SLC7A8: variants seen among roughly 807,000 people sequenced by gnomAD.
SLC7A8 encodes the protein solute carrier family 7 member 8.
A neutral mutation model predicts 51.2 loss-of-function variants in SLC7A8; 30 were observed. That is an observed-to-expected ratio of 0.59 (90% confidence interval 0.44 to 0.80). SLC7A8 has a LOEUF of 0.80. Ranked by LOEUF, SLC7A8 falls within the 30% of genes least tolerant of loss-of-function variation. The probability of loss-of-function intolerance (pLI) is 0.00; values close to 1 mark genes in which losing one functional copy is unlikely to be tolerated. For synonymous variants in SLC7A8, 257 were observed against 275.8 expected (o/e 0.93, Z 0.67); for missense variants, 612 against 674.4 (o/e 0.91, Z 1.03).
At position 23,137,887 on chromosome 14, in the gene SLC7A8, C is replaced by T. The variant is rs200412230; in HGVS notation, c.1016+34G>A. 6.0e-5 allele frequency: 97 copies of T among 1,608,864 alleles called. 1 individual carries two copies. In the Middle Eastern group the frequency reaches 1.4e-3, roughly 23 times the overall value. On this transcript the variant is annotated intron_variant, in intron 7 of 10. Coordinates refer to ENST00000316902, the MANE Select transcript of SLC7A8 (RefSeq NM_012244.4). ...AATAGCAAAGTGCACAGCAGAGTGG[C>T]CCCTGGCCGGGGAAGGGCCCAGGCA... is the stretch of plus-strand genomic sequence containing the variant.
intron 1 of SLC7A8, among the ~76,000 whole-genome samples, chr14:23,176,029 C>A (rs114502891): frequency 1.6e-3 from 239 of 152,242 alleles, no homozygotes; most frequent in African/African-American, 5.5e-3. Context: ...CTGAATGAAC[C>A]AAATCGTAAT....
At chr14:23,143,900 T>A (rs993824053) in intron 3 of SLC7A8, among the ~76,000 whole-genome samples, 8 of 152,242 alleles carry the variant, frequency 5.3e-5, no homozygotes, top group African/African-American at 1.7e-4. Context: ...AATGGAATCA[T>A]ATAATATGTG....
At chr14:23,140,345 G>A (rs117571814) in intron 5 of SLC7A8, 126 bp downstream of exon 5, 18,696 of 1,059,964 alleles carry the variant, frequency 0.018, 228 homozygotes, top group Non-Finnish European at 0.021. Context: ...CTTCAGGATA[G>A]ATCAAATCAC....
chr14:23,182,989 G>A lies in SLC7A8; in HGVS notation c.-75C>T, dbSNP rs2140345453. On this transcript the variant is annotated 5_prime_UTR_variant, in exon 1 of 11. Transcript: ENST00000316902. Reference sequence around the variant, plus strand: ...GTATTCGTGTAAATATATTGGGAGAGAGCTTTGAATTAGAACGTCCTTTTC... The same window carrying A: ...GTATTCGTGTAAATATATTGGGAGAAAGCTTTGAATTAGAACGTCCTTTTC... The A allele has an allele frequency of 3.1e-6, 5 of 1,595,174 alleles. No homozygotes were observed. In the East Asian group the frequency reaches 9.0e-5, roughly 29 times the overall value.
chr14:23,154,099 A>G (rs550718028), intron 3 of SLC7A8, among the ~76,000 whole-genome samples: 1 of 152,328 alleles, frequency 6.6e-6, no homozygotes, highest in African/African-American at 2.4e-5. Context: ...GGTTGCTGAA[A>G]AAGGAAGCAG....
chr14:23,143,469 C>T (rs1386794075), intron 3 of SLC7A8, among the ~76,000 whole-genome samples: 3 of 152,240 alleles, frequency 2.0e-5, no homozygotes, highest in Non-Finnish European at 4.4e-5. Flanking sequence ...AGTGTAGGCA[C>T]TGGCTTTGGG....
intron 3 of SLC7A8, among the ~76,000 whole-genome samples, chr14:23,153,739 G>A (rs758656096): frequency 4.0e-5 from 6 of 151,888 alleles, no homozygotes; most frequent in East Asian, 1.9e-4. Context: ...CCAAACTCCC[G>A]GAACTCCATT....
At chr14:23,147,275 G>A (rs1230522053) in intron 3 of SLC7A8, among the ~76,000 whole-genome samples, 1 of 152,148 alleles carries the variant, frequency 6.6e-6, no homozygotes, top group East Asian at 1.9e-4. Context: ...CATTCATGCA[G>A]GGCCTACATG....
In SLC7A8 at chr14:23,182,892, C is replaced by G. The variant is rs141772308; in HGVS notation, c.23G>C (p.Arg8Pro). 5.4e-4 allele frequency: 872 copies of G among 1,614,120 alleles called. 5 individuals carry two copies. The highest frequency in any genetic ancestry group is 3.0e-3 in the Middle Eastern group (18 of 6,062). MEEGARHRNNTEKKHPGG... is the reference protein window; with the variant it reads MEEGARHPNNTEKKHPGG... ...TGGGTGTTTCTTTTCGGTGTTGTTT[C>G]GGTGCCTGGCTCCTTCTTCCATCCT... The change falls in exon 1 of 11, where the codon CGA (arginine) becomes CCA (proline). Residue 8 changes from arginine to proline, a missense_variant. Transcript: ENST00000316902.
chr14:23,144,615 G>T lies in SLC7A8; in HGVS notation c.509-1411C>A, dbSNP rs189261506. On this transcript the variant is annotated intron_variant, in intron 3 of 10. Coordinates refer to ENST00000316902, the MANE Select transcript of SLC7A8 (RefSeq NM_012244.4). Reference sequence around the variant, plus strand: ...CTTATATGGTACTTCTACTTTCCAAGTATTTCCCAACCTTATTTGATGCTG... The same window carrying T: ...CTTATATGGTACTTCTACTTTCCAATTATTTCCCAACCTTATTTGATGCTG... Among the ~76,000 whole-genome samples the T allele has an allele frequency of 7.9e-4, 120 of 152,200 alleles. 1 individual carries two copies. Among genetic ancestry groups the T allele is most frequent in the Non-Finnish European group, 4.4e-5 (3 of 68,014 alleles).
At chr14:23,175,484 C>T (rs988207094) in intron 1 of SLC7A8, among the ~76,000 whole-genome samples, 4 of 152,180 alleles carry the variant, frequency 2.6e-5, no homozygotes, top group African/African-American at 7.2e-5. Flanking sequence ...GCTGGGATTA[C>T]AGGCGTGAGC....
At chr14:23,133,440 CA>C (rs10577714) in intron 7 of SLC7A8, among the ~76,000 whole-genome samples, 5,937 of 93,088 alleles carry the variant, frequency 0.064, 184 homozygotes, top group African/African-American at 0.16. Context: ...GAACCTGTCT[CA>C]AAAAAAAAAA....
intron 6 of SLC7A8, 81 bp from the exon 7 acceptor site, chr14:23,138,105 C>G (rs772338377): frequency 1.7e-5 from 26 of 1,526,326 alleles, no homozygotes; most frequent in Non-Finnish European, 2.2e-5. Flanking sequence ...TCTGGGAAAC[C>G]GTTTCTCCTA....
chr14:23,140,807 G>A (rs558076485), intron 4 of SLC7A8, among the ~76,000 whole-genome samples, 183 bp from the exon 5 acceptor site: 1 of 152,324 alleles, frequency 6.6e-6, no homozygotes, highest in African/African-American at 2.4e-5. Context: ...CAGGTCCAGG[G>A]CTTCCGAGAC....
intron 3 of SLC7A8, among the ~76,000 whole-genome samples, chr14:23,155,640 T>C (rs1275761624): frequency 6.6e-6 from 1 of 151,928 alleles, no homozygotes; most frequent in Middle Eastern, 3.2e-3. Flanking sequence ...GAACCCTATT[T>C]TAATCCTACT....
chr14:23,151,011 C>T (rs953418337), intron 3 of SLC7A8, among the ~76,000 whole-genome samples: 2 of 152,188 alleles, frequency 1.3e-5, no homozygotes, highest in Admixed American at 6.5e-5. Flanking sequence ...AACATATTCC[C>T]GTGCCTCAGT....
chr14:23,148,842 A>G (rs1190651324), intron 3 of SLC7A8, among the ~76,000 whole-genome samples: 1 of 152,226 alleles, frequency 6.6e-6, no homozygotes, highest in African/African-American at 2.4e-5. Flanking sequence ...TTTCAGGACT[A>G]AGATAGTACA....
Position 23,129,757 on chromosome 14 carries a change from T to C in SLC7A8, c.1156A>G (p.Thr386Ala). The change falls in exon 9 of 11, where the codon ACA becomes GCA. Residue 386 changes from threonine (T) to alanine (A), a missense_variant. By Grantham distance (58) the Thr-to-Ala change is moderately conservative. Coordinates refer to ENST00000316902, the MANE Select transcript of SLC7A8 (RefSeq NM_012244.4). Reference protein sequence around the residue: ...LLMLVTSDMYTLINYVGFINY... With the variant: ...LLMLVTSDMYALINYVGFINY... ...ATGAAGCCCACATAGTTGATGAGTG[T>C]GTACATGTCGCTGGTGACCAGCATC... 4.3e-6 allele frequency: 7 copies of C among 1,614,160 alleles called. No individual in the cohort carries two copies. The highest frequency in any genetic ancestry group is 5.9e-6 in the Non-Finnish European group (7 of 1,180,018).
At chr14:23,171,927 T>G (rs554746553) in intron 1 of SLC7A8, among the ~76,000 whole-genome samples, 152 of 152,276 alleles carry the variant, frequency 1.0e-3, no homozygotes, top group Non-Finnish European at 1.8e-3. Flanking sequence ...CAGATTGAGA[T>G]GTGGAAGTCA....
Sources: allele counts gnomAD v4.1 joint callset (sites outside exome capture counted in the v4.1 genomes callset), GRCh38; gene constraint gnomAD v4.1.1; transcripts MANE v1.5; gene names NCBI Gene and HGNC (gene_info 2026-07-23, HGNC 2026-07-21).